The following NCOA6 variants were observed in gnomAD, a reference collection of about 807,000 sequenced individuals.
NCOA6 encodes the protein NRC RAP250.
A neutral mutation model predicts 171.4 loss-of-function variants in NCOA6; 49 were observed. That is an observed-to-expected ratio of 0.29 (90% CI 0.23 to 0.36). The LOEUF (loss-of-function observed/expected upper bound fraction) is 0.36, where lower values mean the gene tolerates loss of function less well. NCOA6 is among the 10% of genes least tolerant of loss of function. The probability of loss-of-function intolerance (pLI) is 1.00; values close to 1 mark genes in which losing one functional copy is unlikely to be tolerated. For synonymous variants in NCOA6, 910 were observed against 927.5 expected, an observed-to-expected ratio of 0.98 and a Z score of 0.34; for missense variants, 2,248 against 2,554.5, an observed-to-expected ratio of 0.88 and a Z score of 2.59.
chr20:34,752,383 A>G (rs2076515501), intron 8 of NCOA6, among the ~76,000 whole-genome samples: 1 of 152,218 alleles, frequency 6.6e-6, no homozygotes, highest in Admixed American at 6.5e-5. Flanking sequence ...ATATTCATTC[A>G]ACTGACAATT....
intron 2 of NCOA6, among the ~76,000 whole-genome samples, chr20:34,787,425 C>T (rs1380607672): frequency 6.6e-6 from 1 of 151,628 alleles, no homozygotes; most frequent in African/African-American, 2.4e-5. Context: ...ACATGGGAGG[C>T]TAGGGTGGCA....
intron 8 of NCOA6, among the ~76,000 whole-genome samples, chr20:34,753,613 T>C (rs565978883): frequency 2.0e-5 from 3 of 152,022 alleles, no homozygotes; most frequent in South Asian, 4.2e-4. Context: ...TGAGCCGATA[T>C]TGAGCCACTG....
At position 34,750,411 on chromosome 20, in the gene NCOA6, T is replaced by A. The variant is rs1269866400; in HGVS notation, c.1784A>T (p.Gln595Leu). 1 of 1,614,018 alleles carries A rather than the reference T, an allele frequency of 6.2e-7. No homozygotes were observed. Among genetic ancestry groups the A allele is most frequent in the Non-Finnish European group, 8.5e-7 (1 of 1,180,036 alleles). The change falls in exon 9 of 15, where the codon CAG becomes CTG. Residue 595 changes from glutamine to leucine, a missense_variant. Physicochemically the swap from Gln to Leu is moderately radical, Grantham distance 113 (BLOSUM62 -2). Coordinates refer to ENST00000359003, the MANE Select transcript of NCOA6 (RefSeq NM_014071.5). Reference protein sequence around the residue: ...MGIHGNMNNQQAGTSGVPQVN... With the variant: ...MGIHGNMNNQLAGTSGVPQVN... ...TTGAGGAACCCCAGAAGTACCAGCCTGCTGATTGTTCATGTTGCCATGAAT... is the reference window on the plus strand; with the variant it reads ...TTGAGGAACCCCAGAAGTACCAGCCAGCTGATTGTTCATGTTGCCATGAAT...
Position 34,750,373 on chromosome 20 carries a change from T to C in NCOA6, c.1822A>G (p.Asn608Asp), listed in dbSNP as rs758894528. The C allele has an allele frequency of 4.3e-6, 7 of 1,614,164 alleles. No homozygotes were observed. The South Asian group carries it at 6.6e-5, about 15-fold the overall frequency. ...TSGVPQVNLSNMQGQPQQGPP... is the reference protein window; with the variant it reads ...TSGVPQVNLSDMQGQPQQGPP... Reference sequence around the variant, plus strand: ...CCCTGCTGGGGCTGGCCTTGCATGTTGCTGAGGTTCACTTGAGGAACCCCA... The same window carrying C: ...CCCTGCTGGGGCTGGCCTTGCATGTCGCTGAGGTTCACTTGAGGAACCCCA... The change falls in exon 9 of 15, where the codon AAC becomes GAC. Residue 608 changes from asparagine to aspartate, a missense_variant. Coordinates refer to ENST00000359003, the MANE Select transcript of NCOA6 (RefSeq NM_014071.5).
intron 13 of NCOA6, among the ~76,000 whole-genome samples, chr20:34,731,934 T>C (rs1053285621): frequency 2.6e-5 from 4 of 152,154 alleles, no homozygotes; most frequent in Non-Finnish European, 4.4e-5. Context: ...GGCAGGAGAA[T>C]TGCATCAACC....
intron 5 of NCOA6, among the ~76,000 whole-genome samples, chr20:34,764,009 A>T (rs1340094325): frequency 2.3e-3 from 250 of 107,162 alleles, no homozygotes; most frequent in Admixed American, 6.8e-3. Flanking sequence ...CACCTTTGAC[A>T]TTTTTTTTTT....
At position 34,727,252 on chromosome 20, in the gene NCOA6, T is replaced by A. The variant is rs1288729613; in HGVS notation, c.6148+7A>T. The A allele has an allele frequency of 1.2e-6, 2 of 1,613,810 alleles. No homozygotes were observed. Among genetic ancestry groups the A allele is most frequent in the Non-Finnish European group, 1.7e-6 (2 of 1,179,940 alleles). ...CCCACAAATAGCACCCACATCCCACTGCTAACCTTTAGTAGAGCTGGAGGC... is the reference window on the plus strand; with the variant it reads ...CCCACAAATAGCACCCACATCCCACAGCTAACCTTTAGTAGAGCTGGAGGC... On this transcript the variant is annotated splice_region_variant and intron_variant, in intron 14 of 14. Coordinates refer to ENST00000359003, the MANE Select transcript of NCOA6 (RefSeq NM_014071.5).
intron 1 of NCOA6, among the ~76,000 whole-genome samples, chr20:34,814,921 A>G (rs1450586692): frequency 2.6e-5 from 4 of 152,156 alleles, no homozygotes; most frequent in African/African-American, 9.7e-5. Flanking sequence ...TTTCATGGGG[A>G]CACGTGCTAT....
chr20:34,727,490 G>C, intron 13 of NCOA6, 83 bp from the exon 14 acceptor site: 2 of 1,438,156 alleles, frequency 1.4e-6, no homozygotes, highest in Non-Finnish European at 1.9e-6. Context: ...AGTTTCATTC[G>C]TAAAGTAGGA....
chr20:34,821,290 T>TGG (rs2079000436), intron 1 of NCOA6: 1 of 152,184 alleles, frequency 6.6e-6, no homozygotes, highest in Non-Finnish European at 1.5e-5. Context: ...TATAAATAAA[T>TGG]GAGTGTGGCT....
At chr20:34,819,177 GGGAGACAATATTCAATACCTCAAT>G (rs1364065451) in intron 1 of NCOA6, 6 of 152,006 alleles carry the variant, frequency 3.9e-5, no homozygotes, top group African/African-American at 1.5e-4. Flanking sequence ...ACTGGTTTGG[GGGAGACAATATTCAATACCTCAAT>G]AAAGTAAGAA....
At chr20:34,768,623 G>C in intron 4 of NCOA6, 37 bp from the exon 5 acceptor site, 3 of 1,607,900 alleles carry the variant, frequency 1.9e-6, no homozygotes, top group Non-Finnish European at 2.5e-6. Flanking sequence ...GAAATCATTA[G>C]AATAAAATGC....
In NCOA6 at chr20:34,742,263, C is replaced by T; in HGVS notation, c.3993G>A (p.Arg1331=). ...TTTTCCTACTGGACCCAGGACTAGA[C>T]CTGCGACTGTTGCTTGGACTTGCCC... The part of the protein sequence containing the change: ...TKRASPSNSR[R]SSPGSSRKTT... Residue 1331 remains arginine (R), a synonymous_variant, in exon 11 of 15, where the codon AGG becomes AGA. Transcript: ENST00000359003. 6.2e-7 allele frequency: 1 copy of T among 1,614,228 alleles called. No individual in the cohort carries two copies. Among genetic ancestry groups the T allele is most frequent in the Non-Finnish European group, 8.5e-7 (1 of 1,180,040 alleles).
intron 1 of NCOA6, among the ~76,000 whole-genome samples, chr20:34,804,334 C>CATAAATAA (rs902450918): frequency 6.6e-6 from 1 of 151,556 alleles, no homozygotes; most frequent in African/African-American, 2.4e-5. Flanking sequence ...GAGACCTTGT[C>CATAAATAA]ATAAATAAAT....
chr20:34,811,234 T>TATATATATATATATACAC (rs1344933526), intron 1 of NCOA6, among the ~76,000 whole-genome samples: 1 of 119,960 alleles, frequency 8.3e-6, no homozygotes, highest in African/African-American at 3.1e-5. Context: ...TATATATATA[T>TATATATATATATATACAC]ATGCTTTCAA....
chr20:34,796,803 AGCTAG>A (rs906167896), intron 1 of NCOA6, among the ~76,000 whole-genome samples: 2 of 151,720 alleles, frequency 1.3e-5, no homozygotes, highest in Non-Finnish European at 2.9e-5. Context: ...TGGGCAAAAA[AGCTAG>A]CATCCCGTCT....
At chr20:34,729,445 G>A (rs1251058448) in intron 13 of NCOA6, among the ~76,000 whole-genome samples, 1 of 151,750 alleles carries the variant, frequency 6.6e-6, no homozygotes, top group Non-Finnish European at 1.5e-5. Context: ...ACACTTTCAT[G>A]GTTCAAAAAC....
chr20:34,741,617 G>T lies in NCOA6; in HGVS notation c.4639C>A (p.Leu1547Ile). 1.9e-6 allele frequency: 3 copies of T among 1,614,180 alleles called. No homozygotes were observed. The highest frequency in any genetic ancestry group is 2.5e-6 in the Non-Finnish European group (3 of 1,180,026). The change falls in exon 11 of 15, where the codon CTA (leucine) becomes ATA (isoleucine). Residue 1547 changes from leucine to isoleucine, a missense_variant. Around this residue, in one of 7 missense-constraint regions of NCOA6, gnomAD observed 884 missense variants for 941.9 expected, o/e 0.94. Transcript: ENST00000359003. Reference protein sequence around the residue: ...LSSSKEPSNSLNLPHSNELCS... With the variant: ...LSSSKEPSNSINLPHSNELCS... ...AGCTCATTACTGTGAGGTAAGTTTAGGGAATTAGAAGGTTCTTTAGAAGAA... is the reference window on the plus strand; with the variant it reads ...AGCTCATTACTGTGAGGTAAGTTTATGGAATTAGAAGGTTCTTTAGAAGAA...
At chr20:34,727,887 C>T (rs1003534751) in intron 13 of NCOA6, among the ~76,000 whole-genome samples, 2 of 151,944 alleles carry the variant, frequency 1.3e-5, no homozygotes, top group African/African-American at 4.8e-5. Context: ...CCACGCCCTG[C>T]TAATTTTTGT....
Sources: gnomAD v4.1 joint callset for allele counts (sites outside exome capture counted in the v4.1 genomes callset) on GRCh38, gnomAD v4.1.1 for gene constraint, gnomAD v4.1.1 regional missense constraint, MANE v1.5 for transcripts, NCBI Gene and HGNC (gene_info 2026-07-23, HGNC 2026-07-21) for gene names.